The following OSBPL8 variants were observed in gnomAD, a reference collection of about 807,000 sequenced individuals.
OSBPL8 encodes oxysterol-binding protein-related protein 8.
In OSBPL8, 59 loss-of-function variants were observed where a neutral mutation model predicts 125.5. The ratio of observed to expected loss-of-function variants is 0.47; its 90% CI spans 0.38 to 0.58. The LOEUF is 0.58. Among genes scored for constraint, OSBPL8 ranks in the 20% least tolerant of loss-of-function variants. OSBPL8 has a pLI of 0.00. For synonymous variants in OSBPL8, 330 were observed against 338.9 expected (o/e 0.97, Z 0.29); for missense variants, 758 against 1,047.8 (o/e 0.72, Z 3.82).
At chr12:76,421,359 CTT>C (rs1320855587) in intron 4 of OSBPL8, among the ~76,000 whole-genome samples, 2 of 151,994 alleles carry the variant, frequency 1.3e-5, no homozygotes, top group Non-Finnish European at 2.9e-5. Context: ...ACTAAGAAGA[CTT>C]AATATGGATT....
At position 76,520,339 on chromosome 12, in the gene OSBPL8, C is replaced by A. The variant is rs145823392; in HGVS notation, c.-67-32721G>T. Among the ~76,000 whole-genome samples the A allele has an allele frequency of 2.0e-3, 298 of 152,278 alleles. 1 individual carries two copies. The highest frequency in any genetic ancestry group is 6.8e-3 in the African/African-American group (284 of 41,554). On this transcript the variant is annotated intron_variant, in intron 1 of 23. Coordinates refer to ENST00000261183, the MANE Select transcript of OSBPL8 (RefSeq NM_020841.5). ...TACTTCCAGTACAGAACTGGTCACA[C>A]TGTATTTCTAAATATTTGTTTATCT...
At chr12:76,405,286 C>A (rs532177383) in intron 5 of OSBPL8, among the ~76,000 whole-genome samples, 49 of 152,122 alleles carry the variant, frequency 3.2e-4, no homozygotes, top group African/African-American at 7.0e-4. Flanking sequence ...TGGTGAGACA[C>A]CGTCTCTATG....
At chr12:76,451,040 A>G in intron 3 of OSBPL8, 52 bp from the exon 4 acceptor site, 1 of 1,559,750 alleles carries the variant, frequency 6.4e-7, no homozygotes, top group Non-Finnish European at 8.7e-7. Context: ...GATTTACATA[A>G]TAGTATAGTT....
chr12:76,361,336 C>T (rs1952197276), intron 21 of OSBPL8, among the ~76,000 whole-genome samples: 1 of 152,180 alleles, frequency 6.6e-6, no homozygotes, highest in Non-Finnish European at 1.5e-5. Flanking sequence ...AGTTCCTCAT[C>T]TCCATCTGAG....
intron 1 of OSBPL8, among the ~76,000 whole-genome samples, chr12:76,532,166 GA>G (rs1460292315): frequency 6.7e-6 from 1 of 149,462 alleles, no homozygotes; most frequent in Non-Finnish European, 1.5e-5. Context: ...TCTCTAAGAA[GA>G]GAAAAAAAAA....
chr12:76,358,982 G>A (rs1407668266), intron 21 of OSBPL8, among the ~76,000 whole-genome samples, 171 bp from the exon 22 acceptor site: 2 of 152,154 alleles, frequency 1.3e-5, no homozygotes, highest in African/African-American at 4.8e-5. Context: ...GCAATCAAAT[G>A]ATCTTATTTT....
At chr12:76,553,682 A>T (rs894522099) in intron 1 of OSBPL8, among the ~76,000 whole-genome samples, 1 of 140,460 alleles carries the variant, frequency 7.1e-6, no homozygotes, top group African/African-American at 2.5e-5. Context: ...GTATCAGAAG[A>T]AAAAAAAAAA....
intron 1 of OSBPL8, among the ~76,000 whole-genome samples, chr12:76,499,892 C>T (rs1879722162): frequency 6.6e-6 from 1 of 151,938 alleles, no homozygotes; most frequent in Non-Finnish European, 1.5e-5. Context: ...TTCCATTGCC[C>T]ATAATGCTCA....
chr12:76,385,520 G>T (rs149383849), intron 14 of OSBPL8, among the ~76,000 whole-genome samples: 1 of 151,958 alleles, frequency 6.6e-6, no homozygotes, highest in Admixed American at 6.6e-5. Flanking sequence ...AAAGGTAAAC[G>T]ATACAAATGT....
At chr12:76,456,841 A>G (rs980179976) in intron 3 of OSBPL8, among the ~76,000 whole-genome samples, 5 of 152,226 alleles carry the variant, frequency 3.3e-5, no homozygotes, top group African/African-American at 9.6e-5. Context: ...TATTGATACC[A>G]TAAGTTTATG....
At chr12:76,407,595 G>A (rs1954324332) in intron 5 of OSBPL8, among the ~76,000 whole-genome samples, 1 of 152,154 alleles carries the variant, frequency 6.6e-6, no homozygotes, top group Non-Finnish European at 1.5e-5. Context: ...GACATCTTAA[G>A]CTAACAGAAT....
At chr12:76,533,416 T>TA (rs1950404252) in intron 1 of OSBPL8, among the ~76,000 whole-genome samples, 1 of 152,178 alleles carries the variant, frequency 6.6e-6, no homozygotes, top group Admixed American at 6.6e-5. Flanking sequence ...CACTATCAAA[T>TA]GAAGGATTTG....
intron 4 of OSBPL8, among the ~76,000 whole-genome samples, chr12:76,418,634 C>T (rs932699798): frequency 6.6e-6 from 1 of 152,090 alleles, no homozygotes; most frequent in Non-Finnish European, 1.5e-5. Flanking sequence ...AGTTCGAGAC[C>T]AGCCTGGCCA....
intron 1 of OSBPL8, among the ~76,000 whole-genome samples, chr12:76,502,522 A>AT (rs1256492584): frequency 7.2e-5 from 11 of 152,322 alleles, no homozygotes; most frequent in African/African-American, 2.4e-4. Flanking sequence ...CTACTCTACA[A>AT]TAGAGGTATG....
intron 4 of OSBPL8, among the ~76,000 whole-genome samples, chr12:76,412,873 AC>A (rs984215615): frequency 6.6e-6 from 1 of 152,088 alleles, no homozygotes. Flanking sequence ...ACGCAAGGCC[AC>A]CCCTTCAGGG....
chr12:76,518,534 T>G (rs1881772875), intron 1 of OSBPL8, among the ~76,000 whole-genome samples: 1 of 152,206 alleles, frequency 6.6e-6, no homozygotes, highest in African/African-American at 2.4e-5. Flanking sequence ...TAGAGGGGAC[T>G]CTGTGTGGGA....
At chr12:76,397,092 G>C (rs1953839148) in intron 8 of OSBPL8, among the ~76,000 whole-genome samples, 1 of 151,928 alleles carries the variant, frequency 6.6e-6, no homozygotes, top group Non-Finnish European at 1.5e-5. Flanking sequence ...TGGGATTATA[G>C]GAATGAGCCA....
chr12:76,406,799 G>A (rs1296570582), intron 5 of OSBPL8, among the ~76,000 whole-genome samples: 1 of 152,102 alleles, frequency 6.6e-6, no homozygotes, highest in Non-Finnish European at 1.5e-5. Flanking sequence ...GATTTGTAGA[G>A]TCAAGGTCTC....
chr12:76,492,450 C>A (rs182546219), intron 1 of OSBPL8, among the ~76,000 whole-genome samples: 18 of 152,268 alleles, frequency 1.2e-4, no homozygotes, highest in Non-Finnish European at 2.2e-4. Context: ...GCATGGGCCA[C>A]AGACTGATAC....
Sources: gnomAD v4.1 joint callset for allele counts (sites outside exome capture counted in the v4.1 genomes callset) on GRCh38, gnomAD v4.1.1 for gene constraint, MANE v1.5 for transcripts, NCBI Gene and HGNC (gene_info 2026-07-23, HGNC 2026-07-21) for gene names.